The following TFG variants were observed in gnomAD, a reference collection of about 807,000 sequenced individuals.
TFG encodes trafficking from ER to golgi regulator.
A neutral mutation model predicts 51.4 loss-of-function variants in TFG; 22 were observed. The observed-to-expected ratio is 0.43, with a 90% CI of 0.31 to 0.61. TFG has a LOEUF of 0.61. Ranked by LOEUF, TFG falls within the 20% of genes least tolerant of loss-of-function variation. The pLI is 0.12. For missense variants in TFG, 419 were observed against 487.7 expected, an observed-to-expected ratio of 0.86 and a Z score of 1.33; for synonymous variants, 187 against 165.6, an observed-to-expected ratio of 1.13 and a Z score of -0.99.
At chr3:100,728,627 T>C in intron 3 of TFG, 85 bp from the exon 4 acceptor site, 1 of 1,154,142 alleles carries the variant, frequency 8.7e-7, no homozygotes, top group Non-Finnish European at 1.2e-6. Flanking sequence ...TTTAAAGGAA[T>C]TGTATTTATT....
At chr3:100,748,086 A>G in intron 7 of TFG, 63 bp from the exon 8 acceptor site, 3 of 1,527,920 alleles carry the variant, frequency 2.0e-6, no homozygotes, top group Admixed American at 1.9e-5. Flanking sequence ...CAGTAAGACT[A>G]ATTCTTTGGA....
intron 5 of TFG, 87 bp downstream of exon 5, chr3:100,732,759 C>A (rs898726050): frequency 8.4e-7 from 1 of 1,193,362 alleles, no homozygotes; most frequent in Non-Finnish European, 1.2e-6. Context: ...TGAAGAATAA[C>A]TTGGATATGG....
chr3:100,725,808 A>G (rs1359846004), intron 3 of TFG, among the ~76,000 whole-genome samples: 1 of 151,928 alleles, frequency 6.6e-6, no homozygotes, highest in East Asian at 1.9e-4. Flanking sequence ...AAATATAAAT[A>G]CATATTAAGC....
intron 4 of TFG, 66 bp downstream of exon 4, chr3:100,728,924 T>C: frequency 7.3e-7 from 1 of 1,370,496 alleles, no homozygotes; most frequent in South Asian, 1.6e-5. Flanking sequence ...TTTAAAAAAC[T>C]CTTTTTAAGT....
chr3:100,714,815 A>C (rs182764806), intron 2 of TFG, among the ~76,000 whole-genome samples: 18 of 152,338 alleles, frequency 1.2e-4, no homozygotes, highest in Non-Finnish European at 2.2e-4. Flanking sequence ...AGTAGTATGC[A>C]GTGTTCCCAG....
chr3:100,712,790 C>G (rs2095034718), intron 1 of TFG, among the ~76,000 whole-genome samples: 2 of 152,076 alleles, frequency 1.3e-5, no homozygotes, highest in Admixed American at 6.5e-5. Context: ...AAGATAATGC[C>G]AGGGGAGCCA....
chr3:100,726,289 T>C (rs886958719), intron 3 of TFG, among the ~76,000 whole-genome samples: 8 of 152,214 alleles, frequency 5.3e-5, no homozygotes, highest in Non-Finnish European at 7.3e-5. Context: ...AAACTTATCC[T>C]ACCTTCTTCT....
chr3:100,728,767 A>G lies in TFG; in HGVS notation c.324A>G (p.Glu108=), dbSNP rs145735377. Residue 108 remains glutamate, a synonymous_variant, in exon 4 of 8, where the codon GAA becomes GAG. Coordinates refer to ENST00000240851, the MANE Select transcript of TFG (RefSeq NM_006070.6). The stretch of plus-strand genomic sequence containing the variant: ...GTCAGGTGAAATATCTCCGTCGAGA[A>G]CTGATAGAACTTCGAAATAAAGTGA... The part of the protein sequence containing the change: ...ESSQVKYLRR[E]LIELRNKVNR... 3.1e-6 allele frequency: 5 copies of G among 1,613,466 alleles called. No homozygotes were observed. In the South Asian group the frequency reaches 4.4e-5, roughly 14 times the overall value.
At chr3:100,743,958 T>C (rs2095128408) in intron 6 of TFG, 1 of 152,202 alleles carries the variant, frequency 6.6e-6, no homozygotes, top group African/African-American at 2.4e-5. Context: ...TTATTGCTAC[T>C]AGATATTACA....
chr3:100,737,104 T>G (rs943051746), intron 6 of TFG, among the ~76,000 whole-genome samples: 3 of 152,224 alleles, frequency 2.0e-5, no homozygotes. Context: ...TAAAAAAGAT[T>G]TCTGAATAGA....
rs189990998 is a variant in TFG, at chr3:100,724,228, A to T, written c.268+4170A>T. Among the ~76,000 whole-genome samples, 154 of 152,334 alleles carry T rather than the reference A, an allele frequency of 1.0e-3. 1 individual carries two copies. Among genetic ancestry groups the T allele is most frequent in the Non-Finnish European group, 2.6e-4 (18 of 68,012 alleles). On this transcript the variant is annotated intron_variant, in intron 3 of 7. Coordinates refer to ENST00000240851, the MANE Select transcript of TFG (RefSeq NM_006070.6). ...ACCTCAAATAACTTGGAAGGAAATA[A>T]TAAGAGCAGACGTGAACTAGAAATT...
At chr3:100,725,517 A>C (rs2095072667) in intron 3 of TFG, among the ~76,000 whole-genome samples, 1 of 150,266 alleles carries the variant, frequency 6.7e-6, no homozygotes, top group South Asian at 2.1e-4. Flanking sequence ...GGTGGCTCAC[A>C]CCTGTAATCC....
rs567124043 is a variant in TFG, at chr3:100,713,121, A to C, written c.-43-522A>C. 6.6e-5 allele frequency among the ~76,000 whole-genome samples: 10 copies of C among 152,354 alleles called. No individual in the cohort carries two copies. In the South Asian group the frequency reaches 1.9e-3, roughly 28 times the overall value. On this transcript the variant is annotated intron_variant, in intron 1 of 7. Transcript: ENST00000240851. ...AAGTGGGCAAAGGTAAAAAGCAGGC[A>C]GACTGGTTAGGAGTCTTTTCCAGTC...
intron 1 of TFG, among the ~76,000 whole-genome samples, chr3:100,711,753 C>T (rs1045184602): frequency 4.6e-5 from 7 of 152,188 alleles, no homozygotes; most frequent in African/African-American, 1.4e-4. Flanking sequence ...GAGAAGGTAA[C>T]AAATACATTG....
intron 6 of TFG, among the ~76,000 whole-genome samples, chr3:100,741,514 TAAA>T (rs1225725934): frequency 5.9e-5 from 9 of 152,182 alleles, no homozygotes; most frequent in East Asian, 3.8e-4. Flanking sequence ...TTAAAAAAGT[TAAA>T]AAATCAAGTT....
chr3:100,744,195 A>T (rs1054858659), intron 6 of TFG: 7 of 152,258 alleles, frequency 4.6e-5, no homozygotes, highest in African/African-American at 1.7e-4. Context: ...TCAAGAACAC[A>T]TCACCGTTGT....
intron 6 of TFG, among the ~76,000 whole-genome samples, chr3:100,740,708 G>A (rs2095118970): frequency 1.3e-5 from 2 of 151,956 alleles, no homozygotes; most frequent in African/African-American, 4.8e-5. Context: ...GATAGAGGTT[G>A]GCTACTCTGT....
intron 6 of TFG, chr3:100,742,757 A>G (rs905235986): frequency 3.3e-5 from 5 of 152,168 alleles, no homozygotes; most frequent in Admixed American, 1.3e-4. Context: ...TAACGAAACA[A>G]TGTCGAACAA....
intron 3 of TFG, among the ~76,000 whole-genome samples, chr3:100,724,603 C>T (rs2095069802): frequency 6.6e-6 from 1 of 152,102 alleles, no homozygotes; most frequent in Non-Finnish European, 1.5e-5. Context: ...TACACTAATT[C>T]ATTTTGTGGG....
Sources: allele counts gnomAD v4.1 joint callset (sites outside exome capture counted in the v4.1 genomes callset), GRCh38; gene constraint gnomAD v4.1.1; transcripts MANE v1.5; gene names NCBI Gene and HGNC (gene_info 2026-07-23, HGNC 2026-07-21).